RGL1: variants seen among roughly 807,000 people sequenced by gnomAD.
The protein encoded by RGL1 is ral guanine nucleotide dissociation stimulator like 1.
Under a neutral mutation model 95.2 loss-of-function variants are expected in RGL1, and 24 were observed. That is an observed-to-expected ratio of 0.25 (90% CI 0.18 to 0.35). The LOEUF is 0.35. RGL1 is among the 10% of genes least tolerant of loss of function. The pLI, the probability that RGL1 is intolerant of heterozygous loss-of-function variation, is 1.00. For missense variants in RGL1, 715 were observed against 936.3 expected, an observed-to-expected ratio of 0.76 and a Z score of 3.08; for synonymous variants, 329 against 344.9, an observed-to-expected ratio of 0.95 and a Z score of 0.51.
intron 2 of RGL1, 30 bp downstream of exon 2, chr1:183,806,515 T>G: frequency 1.4e-6 from 2 of 1,468,678 alleles, no homozygotes; most frequent in Non-Finnish European, 1.9e-6. Context: ...TGGTGAACTT[T>G]GGAATTTCAG....
chr1:183,849,014 C>T lies in RGL1; in HGVS notation c.347+1240C>T, dbSNP rs186591617. On this transcript the variant is annotated intron_variant, in intron 3 of 17. Coordinates refer to ENST00000360851, the MANE Select transcript of RGL1 (RefSeq NM_001297671.3). The stretch of plus-strand genomic sequence containing the variant: ...ATATGTTTATATATTTATCATATGA[C>T]ACATATACTTACCTATGATACAGAT... 2.4e-4 allele frequency among the ~76,000 whole-genome samples: 37 copies of T among 152,086 alleles called. No homozygotes were observed. In the East Asian group the frequency reaches 6.8e-3, roughly 28 times the overall value.
chr1:183,720,692 T>C (rs1572329670), intron 1 of RGL1, among the ~76,000 whole-genome samples: 1 of 152,214 alleles, frequency 6.6e-6, no homozygotes, highest in African/African-American at 2.4e-5. Flanking sequence ...TGGAACCTAA[T>C]GTGTGGAGAA....
At chr1:183,696,974 C>T (rs1304874003) in intron 1 of RGL1, among the ~76,000 whole-genome samples, 1 of 152,168 alleles carries the variant, frequency 6.6e-6, no homozygotes, top group Non-Finnish European at 1.5e-5. Flanking sequence ...TGTTGGACCT[C>T]TACAGTCTAT....
chr1:183,782,660 G>C (rs926974574), intron 2 of RGL1, among the ~76,000 whole-genome samples: 2 of 152,212 alleles, frequency 1.3e-5, no homozygotes, highest in African/African-American at 4.8e-5. Flanking sequence ...ATTGTGGTGG[G>C]TGGATTATAA....
chr1:183,828,342 C>T (rs559095861), intron 2 of RGL1, among the ~76,000 whole-genome samples: 8 of 152,284 alleles, frequency 5.3e-5, no homozygotes, highest in Non-Finnish European at 1.0e-4. Flanking sequence ...CCTTCCAGCA[C>T]CCCGTAAGTG....
chr1:183,677,095 A>C (rs1652875294), intron 1 of RGL1, among the ~76,000 whole-genome samples: 1 of 151,754 alleles, frequency 6.6e-6, no homozygotes. Flanking sequence ...GGGTAGCCCT[A>C]GTTTTTACCT....
chr1:183,671,466 C>G (rs1652444676), intron 1 of RGL1, among the ~76,000 whole-genome samples: 2 of 152,182 alleles, frequency 1.3e-5, no homozygotes, highest in African/African-American at 4.8e-5. Flanking sequence ...TATGAGCATT[C>G]CAGTTGCTCC....
intron 14 of RGL1, among the ~76,000 whole-genome samples, chr1:183,908,511 G>A (rs1410308571): frequency 1.3e-5 from 2 of 152,196 alleles, no homozygotes; most frequent in Non-Finnish European, 2.9e-5. Context: ...CGGAACTCTA[G>A]ATTTATGAGC....
upstream of RGL1, among the ~76,000 whole-genome samples, chr1:183,803,392 GA>G (rs1397764730): frequency 2.0e-5 from 3 of 152,218 alleles, no homozygotes; most frequent in Non-Finnish European, 4.4e-5. Context: ...TGCAGATGAG[GA>G]AATTAAGGCT....
At chr1:183,664,088 A>G (rs1484320489) in intron 1 of RGL1, among the ~76,000 whole-genome samples, 3 of 148,676 alleles carry the variant, frequency 2.0e-5, no homozygotes, top group South Asian at 2.2e-4. Flanking sequence ...GGGGAGGGAT[A>G]GCTTTAGGAG....
At chr1:183,763,848 A>G (rs1658828844) in intron 2 of RGL1, among the ~76,000 whole-genome samples, 1 of 152,122 alleles carries the variant, frequency 6.6e-6, no homozygotes, top group Non-Finnish European at 1.5e-5. Context: ...GTTACACCAC[A>G]TGGGCCCACC....
At chr1:183,776,903 T>C (rs1659636246) in intron 2 of RGL1, among the ~76,000 whole-genome samples, 1 of 152,184 alleles carries the variant, frequency 6.6e-6, no homozygotes, top group South Asian at 2.1e-4. Flanking sequence ...TAGGAAGCAA[T>C]AATTCAGTGC....
chr1:183,715,720 A>G (rs1179643146), intron 1 of RGL1, among the ~76,000 whole-genome samples: 1 of 146,748 alleles, frequency 6.8e-6, no homozygotes, highest in Non-Finnish European at 1.5e-5. Flanking sequence ...GGAGACCTAT[A>G]TCTATATCTA....
intron 2 of RGL1, among the ~76,000 whole-genome samples, chr1:183,783,771 AGAG>A (rs1352333849): frequency 1.6e-4 from 25 of 152,238 alleles, no homozygotes; most frequent in African/African-American, 6.0e-4. Context: ...ACAGGAGTTC[AGAG>A]GAGGGAGATG....
At chr1:183,917,721 A>C (rs535476528) in intron 16 of RGL1, among the ~76,000 whole-genome samples, 19 of 152,370 alleles carry the variant, frequency 1.2e-4, no homozygotes, top group African/African-American at 4.3e-4. Flanking sequence ...AAGGGAGCCC[A>C]CAAAGCATTA....
chr1:183,888,592 GT>G lies in RGL1; in HGVS notation c.1055+18del. 6.6e-7 allele frequency: 1 copy of G among 1,523,472 alleles called. No homozygotes were observed. The highest frequency in any genetic ancestry group is 2.3e-5 in the East Asian group (1 of 44,402). The allele number at this position is 1,523,472 out of a possible 1,614,324, so 94.4% of individuals were successfully genotyped here. On this transcript the variant is annotated intron_variant, in intron 8 of 17. Coordinates refer to ENST00000360851, the MANE Select transcript of RGL1 (RefSeq NM_001297671.3). ...GCCGTCCCAAGGTAAGTTCCCAAGTGTTTGCTCTGCTTTTCTTTGGCCGGGA... is the reference window on the plus strand; with the variant it reads ...GCCGTCCCAAGGTAAGTTCCCAAGTGTTGCTCTGCTTTTCTTTGGCCGGGA...
intron 2 of RGL1, among the ~76,000 whole-genome samples, chr1:183,819,469 C>T (rs987170068): frequency 1.3e-5 from 2 of 152,168 alleles, no homozygotes; most frequent in Non-Finnish European, 2.9e-5. Context: ...CCCTCCGACA[C>T]TTTTCTTTAT....
chr1:183,643,017 G>A (rs567443310), intron 1 of RGL1, among the ~76,000 whole-genome samples: 3 of 152,288 alleles, frequency 2.0e-5, no homozygotes, highest in African/African-American at 7.2e-5. Context: ...GAATCATGTG[G>A]TGTTTGCCTA....
intron 7 of RGL1, among the ~76,000 whole-genome samples, chr1:183,886,822 A>T (rs1010567776): frequency 1.3e-5 from 2 of 151,844 alleles, no homozygotes; most frequent in Non-Finnish European, 2.9e-5. Context: ...GAAAAAGAAA[A>T]TTTTTCTGAC....
Sources: gnomAD v4.1 joint callset for allele counts (sites outside exome capture counted in the v4.1 genomes callset) on GRCh38, gnomAD v4.1.1 for gene constraint, MANE v1.5 for transcripts, NCBI Gene and HGNC (gene_info 2026-07-23, HGNC 2026-07-21) for gene names.